The following COL19A1 variants were observed in gnomAD, a reference collection of about 807,000 sequenced individuals.
COL19A1 encodes the protein collagen type XIX alpha 1 chain, also known as collagen alpha-1(XIX) chain.
In COL19A1, 159 loss-of-function variants were observed where a neutral mutation model predicts 190.2. The ratio of observed to expected loss-of-function variants is 0.84; its 90% CI spans 0.73 to 0.95. The LOEUF is 0.95. Among genes scored for constraint, COL19A1 ranks in the 40% least tolerant of loss-of-function variants. COL19A1 has a pLI of 0.00. For synonymous variants in COL19A1, 509 were observed against 458.9 expected, an observed-to-expected ratio of 1.11 and a Z score of -1.39; for missense variants, 1,418 against 1,431.9, an observed-to-expected ratio of 0.99 and a Z score of 0.16.
At chr6:70,089,352 C>A (rs894057753) in intron 15 of COL19A1, among the ~76,000 whole-genome samples, 10 of 152,088 alleles carry the variant, frequency 6.6e-5, no homozygotes, top group Non-Finnish European at 1.0e-4. Flanking sequence ...GACAGTTAGG[C>A]ATGTATTTTT....
chr6:70,050,116 GATACTA>G (rs1780126431), intron 14 of COL19A1, among the ~76,000 whole-genome samples: 1 of 151,992 alleles, frequency 6.6e-6, no homozygotes, highest in Non-Finnish European at 1.5e-5. Flanking sequence ...TATAAAATGT[GATACTA>G]ATATTTCCTA....
chr6:70,099,881 C>T (rs1049252306), intron 15 of COL19A1, among the ~76,000 whole-genome samples: 1 of 152,208 alleles, frequency 6.6e-6, no homozygotes. Flanking sequence ...CTCTGACACT[C>T]TGACAATGGC....
At chr6:69,904,129 T>C (rs990955579) in intron 4 of COL19A1, among the ~76,000 whole-genome samples, 16 of 152,174 alleles carry the variant, frequency 1.1e-4, no homozygotes, top group African/African-American at 3.6e-4. Context: ...TCGGGGGCAC[T>C]GAGCCCAGCA....
intron 4 of COL19A1, among the ~76,000 whole-genome samples, chr6:69,911,529 A>G (rs1770914976): frequency 6.6e-6 from 1 of 152,246 alleles, no homozygotes; most frequent in Non-Finnish European, 1.5e-5. Context: ...AAATGTTAAT[A>G]TGAACACATG....
intron 16 of COL19A1, among the ~76,000 whole-genome samples, chr6:70,109,302 A>G (rs1164569427): frequency 1.3e-5 from 2 of 152,164 alleles, no homozygotes; most frequent in African/African-American, 4.8e-5. Context: ...TGGCCATGTA[A>G]GGGCCAGAGC....
intron 22 of COL19A1, 48 bp downstream of exon 22, chr6:70,142,124 T>C (rs369084091): frequency 1.4e-5 from 21 of 1,548,340 alleles, no homozygotes; most frequent in Non-Finnish European, 7.1e-6. Flanking sequence ...TTGGGAATTG[T>C]AGCCATTCTG....
chr6:70,056,847 A>G (rs1369606031), intron 14 of COL19A1, among the ~76,000 whole-genome samples: 1 of 152,094 alleles, frequency 6.6e-6, no homozygotes. Flanking sequence ...ACCTCACTCA[A>G]TTGCAAATTG....
At chr6:69,993,213 A>C (rs1776721885) in intron 11 of COL19A1, among the ~76,000 whole-genome samples, 1 of 152,204 alleles carries the variant, frequency 6.6e-6, no homozygotes, top group East Asian at 1.9e-4. Context: ...TATTAAGATG[A>C]TCATGTGGTT....
At chr6:69,996,027 T>C (rs1776883960) in intron 11 of COL19A1, among the ~76,000 whole-genome samples, 1 of 152,136 alleles carries the variant, frequency 6.6e-6, no homozygotes, top group African/African-American at 2.4e-5. Flanking sequence ...GCAGGGGCAC[T>C]GGACTCTGAA....
rs1048644307 is a variant in COL19A1, at chr6:70,124,120, G to A, written c.1341+2178G>A. Among the ~76,000 whole-genome samples, 6 of 151,968 alleles carry A rather than the reference G, an allele frequency of 3.9e-5. No individual in the cohort carries two copies. In the East Asian group the frequency reaches 9.7e-4, roughly 25 times the overall value. ...ATAAAATAAATAAGGAAAAAAAACTGTACTGGCTTTTTCAAAATATTAAGG... is the reference window on the plus strand; with the variant it reads ...ATAAAATAAATAAGGAAAAAAAACTATACTGGCTTTTTCAAAATATTAAGG... On this transcript the variant is annotated intron_variant, in intron 17 of 50. Transcript: ENST00000620364.
Position 70,211,553 on chromosome 6 carries a change from T to A in COL19A1, c.*4279T>A, listed in dbSNP as rs1768210125. ...GAGGAGATGCAGAAGATAATTGAAT[T>A]TGTATCTTGTATGCCTATGTAATTC... On this transcript the variant is annotated 3_prime_UTR_variant, in exon 51 of 51. Coordinates refer to ENST00000620364, the MANE Select transcript of COL19A1 (RefSeq NM_001858.6). 6.7e-6 allele frequency among the ~76,000 whole-genome samples: 1 copy of A among 149,568 alleles called. No homozygotes were observed. The highest frequency in any genetic ancestry group is 6.8e-5 in the Admixed American group (1 of 14,760).
intron 15 of COL19A1, among the ~76,000 whole-genome samples, chr6:70,074,580 C>G (rs1781764353): frequency 6.6e-6 from 1 of 151,522 alleles, no homozygotes; most frequent in African/African-American, 2.4e-5. Flanking sequence ...AACTTCACAG[C>G]TACAAAGTGA....
At chr6:70,159,437 C>T (rs1044928201) in intron 34 of COL19A1, among the ~76,000 whole-genome samples, 1 of 152,040 alleles carries the variant, frequency 6.6e-6, no homozygotes, top group Non-Finnish European at 1.5e-5. Flanking sequence ...CACACACACA[C>T]ACACAGCACT....
At chr6:69,930,148 C>T (rs984315473) in intron 6 of COL19A1, among the ~76,000 whole-genome samples, 1 of 152,096 alleles carries the variant, frequency 6.6e-6, no homozygotes, top group Non-Finnish European at 1.5e-5. Context: ...GTATTGCAGA[C>T]TATTTTTTAT....
intron 15 of COL19A1, among the ~76,000 whole-genome samples, chr6:70,097,531 T>A (rs1393111377): frequency 6.7e-6 from 1 of 149,028 alleles, no homozygotes; most frequent in African/African-American, 2.4e-5. Context: ...AAAAAAAAAA[T>A]TCTGCGAGTG....
At chr6:70,107,234 C>T (rs938014959) in intron 16 of COL19A1, among the ~76,000 whole-genome samples, 1 of 152,126 alleles carries the variant, frequency 6.6e-6, no homozygotes, top group Admixed American at 6.6e-5. Flanking sequence ...TATTCTTCCT[C>T]AAACATCATA....
rs867929919 is a variant in COL19A1, at chr6:70,207,268, GA to G, written c.3425del (p.Asn1142IlefsTer5). On this transcript the variant is annotated frameshift_variant, in exon 51 of 51. Transcript: ENST00000620364. LOFTEE classifies it high-confidence loss of function. Reference sequence around the variant, plus strand: ...CTCATGCCCATCAGCGCACAGGTGGGAATTGAACACACCTGAAGAAGACTTG... The same window carrying G: ...CTCATGCCCATCAGCGCACAGGTGGGATTGAACACACCTGAAGAAGACTTG... ...VSHAHQRTGG[N>X] 1.2e-6 allele frequency: 2 copies of G among 1,612,022 alleles called. No homozygotes were observed. Among genetic ancestry groups the G allele is most frequent in the Non-Finnish European group, 1.7e-6 (2 of 1,179,080 alleles).
At chr6:70,099,318 G>A (rs998751430) in intron 15 of COL19A1, among the ~76,000 whole-genome samples, 1 of 152,030 alleles carries the variant, frequency 6.6e-6, no homozygotes, top group Non-Finnish European at 1.5e-5. Context: ...AACTTTTTGA[G>A]CAACAACATG....
At chr6:69,880,542 T>G (rs989288844) in intron 2 of COL19A1, among the ~76,000 whole-genome samples, 1 of 152,206 alleles carries the variant, frequency 6.6e-6, no homozygotes, top group African/African-American at 2.4e-5. Flanking sequence ...ATAAACCCAC[T>G]CTAGAGAGAC....
Sources: gnomAD v4.1 joint callset for allele counts (sites outside exome capture counted in the v4.1 genomes callset) on GRCh38, gnomAD v4.1.1 for gene constraint, MANE v1.5 for transcripts, NCBI Gene and HGNC (gene_info 2026-07-23, HGNC 2026-07-21) for gene names.